R3HDM2: variants seen among roughly 807,000 people sequenced by gnomAD.
R3HDM2 encodes the protein R3H domain containing 2.
Under a neutral mutation model 124.5 loss-of-function variants are expected in R3HDM2, and 38 were observed. That is an observed-to-expected ratio of 0.31 (90% CI 0.24 to 0.40). The LOEUF (loss-of-function observed/expected upper bound fraction) is 0.40. R3HDM2 is among the 10% of genes least tolerant of loss of function. The pLI is 1.00. For synonymous variants in R3HDM2, 391 were observed against 448.0 expected, an observed-to-expected ratio of 0.87 and a Z score of 1.61; for missense variants, 869 against 1,236.9, an observed-to-expected ratio of 0.70 and a Z score of 4.46.
intron 1 of R3HDM2, among the ~76,000 whole-genome samples, chr12:57,403,634 A>G (rs184931570): frequency 1.3e-4 from 20 of 151,848 alleles, no homozygotes; most frequent in Admixed American, 1.3e-3. Context: ...CATGGCAAAA[A>G]CCCGTCTCTT....
Position 57,418,434 on chromosome 12 carries a change from TAA to T in R3HDM2, c.-106+12284_-106+12285del, listed in dbSNP as rs1005542926. The T allele has an allele frequency of 4.2e-5, 25 of 596,218 alleles. No individual in the cohort carries two copies. The African/African-American group carries it at 4.4e-4, about 11-fold the overall frequency. 36.9% of individuals were successfully genotyped at this position (596,218 alleles called of 1,614,324 possible). ...CCGTTGGTCTTTGTCCTTGTACAAC[TAA>T]AAGTCTTTAGCCTATCTTTGATGGA... On this transcript the variant is annotated intron_variant, in intron 1 of 23. Coordinates refer to ENST00000402412, the MANE Select transcript of R3HDM2 (RefSeq NM_001394031.1).
chr12:57,315,071 C>T (rs1370512926), intron 2 of R3HDM2, among the ~76,000 whole-genome samples: 1 of 151,204 alleles, frequency 6.6e-6, no homozygotes, highest in Non-Finnish European at 1.5e-5. Context: ...GACAGAGTCT[C>T]GCTCTGTCAC....
chr12:57,300,013 G>T, intron 5 of R3HDM2, 82 bp downstream of exon 5: 1 of 1,039,506 alleles, frequency 9.6e-7, no homozygotes, highest in Non-Finnish European at 1.5e-6. Context: ...TTTCAAGTCT[G>T]ATGTTGCTGT....
intron 2 of R3HDM2, among the ~76,000 whole-genome samples, chr12:57,394,952 G>A (rs1445059539): frequency 1.3e-5 from 2 of 152,182 alleles, no homozygotes; most frequent in African/African-American, 2.4e-5. Flanking sequence ...GCTCACGCCT[G>A]TAAACCCAGC....
intron 1 of R3HDM2, among the ~76,000 whole-genome samples, chr12:57,418,772 C>T (rs1490551302): frequency 6.6e-6 from 1 of 151,986 alleles, no homozygotes; most frequent in African/African-American, 2.4e-5. Context: ...CCATATTGGC[C>T]ATAGTGATCT....
intron 2 of R3HDM2, among the ~76,000 whole-genome samples, chr12:57,386,119 T>C (rs946262731): frequency 6.6e-6 from 1 of 151,496 alleles, no homozygotes; most frequent in Admixed American, 6.6e-5. Context: ...TATGTTAACA[T>C]GCAATAGGTT....
At chr12:57,329,955 T>G (rs1440300811) in intron 2 of R3HDM2, among the ~76,000 whole-genome samples, 1 of 152,174 alleles carries the variant, frequency 6.6e-6, no homozygotes, top group Non-Finnish European at 1.5e-5. Flanking sequence ...TTTCATAATT[T>G]CCTTCTCAGA....
intron 2 of R3HDM2, among the ~76,000 whole-genome samples, chr12:57,329,200 C>A (rs2057760843): frequency 6.6e-6 from 1 of 151,970 alleles, no homozygotes; most frequent in African/African-American, 2.4e-5. Flanking sequence ...CACCCTTGTA[C>A]CTAACACTAT....
At chr12:57,358,072 A>C (rs893185627) in intron 2 of R3HDM2, among the ~76,000 whole-genome samples, 9 of 150,974 alleles carry the variant, frequency 6.0e-5, no homozygotes, top group African/African-American at 2.2e-4. Context: ...CCTGCCTCCC[A>C]GATTCAAGCA....
intron 1 of R3HDM2, among the ~76,000 whole-genome samples, chr12:57,426,915 C>T (rs1217604857): frequency 6.6e-6 from 1 of 152,212 alleles, no homozygotes; most frequent in African/African-American, 2.4e-5. Context: ...AAAACTCCTC[C>T]TTACCTACTC....
At chr12:57,278,746 A>G (rs983921468) in intron 14 of R3HDM2, among the ~76,000 whole-genome samples, 10 of 152,356 alleles carry the variant, frequency 6.6e-5, no homozygotes, top group Non-Finnish European at 1.2e-4. Flanking sequence ...ACTGACTTAG[A>G]CTAAGATAGA....
At chr12:57,345,085 C>T (rs1012756973) in intron 2 of R3HDM2, among the ~76,000 whole-genome samples, 4 of 151,902 alleles carry the variant, frequency 2.6e-5, no homozygotes, top group Non-Finnish European at 4.4e-5. Context: ...CTGCCTGCCT[C>T]GGGCTCCCAA....
chr12:57,365,486 T>C (rs1249858042), intron 2 of R3HDM2, among the ~76,000 whole-genome samples: 1 of 152,190 alleles, frequency 6.6e-6, no homozygotes, highest in African/African-American at 2.4e-5. Context: ...TTTAAGACTT[T>C]ATCACTAGTT....
At chr12:57,312,164 A>G (rs1436603877) in intron 2 of R3HDM2, among the ~76,000 whole-genome samples, 1 of 152,270 alleles carries the variant, frequency 6.6e-6, no homozygotes, top group Admixed American at 6.5e-5. Context: ...CAATGCTTCA[A>G]GAAAATTGTC....
intron 19 of R3HDM2, among the ~76,000 whole-genome samples, chr12:57,266,083 C>G (rs1199890060): frequency 6.6e-6 from 1 of 150,606 alleles, no homozygotes; most frequent in Non-Finnish European, 1.5e-5. Flanking sequence ...AGGCGTGAGC[C>G]TCCGCACCTG....
intron 2 of R3HDM2, among the ~76,000 whole-genome samples, chr12:57,395,371 G>GTGA (rs1173136106): frequency 6.6e-6 from 1 of 151,988 alleles, no homozygotes; most frequent in Non-Finnish European, 1.5e-5. Context: ...GGGCGTGGTG[G>GTGA]TGCATGCCTG....
At chr12:57,324,216 T>C (rs1179689145) in intron 2 of R3HDM2, among the ~76,000 whole-genome samples, 1 of 152,184 alleles carries the variant, frequency 6.6e-6, no homozygotes, top group Non-Finnish European at 1.5e-5. Flanking sequence ...GGAGTTTCAC[T>C]CTTGTTGCCC....
chr12:57,425,565 C>T (rs1188224465), intron 1 of R3HDM2, among the ~76,000 whole-genome samples: 1 of 151,748 alleles, frequency 6.6e-6, no homozygotes, highest in Non-Finnish European at 1.5e-5. Context: ...TTTGGGAGGC[C>T]GAGGCAGGCG....
intron 2 of R3HDM2, among the ~76,000 whole-genome samples, chr12:57,317,641 A>C (rs2055382226): frequency 6.6e-6 from 1 of 150,642 alleles, no homozygotes; most frequent in South Asian, 2.1e-4. Flanking sequence ...GTTAAAAAAA[A>C]AAAAAAGGGT....
Sources: allele counts gnomAD v4.1 joint callset (sites outside exome capture counted in the v4.1 genomes callset), GRCh38; gene constraint gnomAD v4.1.1; transcripts MANE v1.5; gene names NCBI Gene and HGNC (gene_info 2026-07-23, HGNC 2026-07-21).